The following CACNA2D3 variants were observed in gnomAD, a reference collection of about 807,000 sequenced individuals.
CACNA2D3 encodes the protein calcium voltage-gated channel auxiliary subunit alpha2delta 3, also known as voltage-dependent calcium channel subunit alpha-2/delta-3.
In CACNA2D3, 60 loss-of-function variants were observed where a neutral mutation model predicts 160.6. The observed-to-expected ratio is 0.37, with a 90% CI of 0.30 to 0.46. CACNA2D3 has a LOEUF of 0.46. CACNA2D3 is among the 20% of genes least tolerant of loss of function. CACNA2D3 has a pLI of 1.00. For missense variants in CACNA2D3, 1,205 were observed against 1,365.0 expected (o/e 0.88, Z 1.85); for synonymous variants, 558 against 492.9 (o/e 1.13, Z -1.75).
intron 27 of CACNA2D3, among the ~76,000 whole-genome samples, chr3:54,921,668 C>G (rs1472391020): frequency 6.6e-6 from 1 of 152,068 alleles, no homozygotes; most frequent in African/African-American, 2.4e-5. Context: ...TGTAATCCGC[C>G]ATGCATTTTG....
intron 2 of CACNA2D3, among the ~76,000 whole-genome samples, chr3:54,242,273 C>CAAAAA (rs60089020): frequency 0.031 from 4,703 of 151,422 alleles, 245 homozygotes; most frequent in African/African-American, 0.11. Flanking sequence ...ATACAAAAAA[C>CAAAAA]AAAAACAAAC....
intron 5 of CACNA2D3, among the ~76,000 whole-genome samples, chr3:54,537,847 G>C (rs1196759778): frequency 6.6e-6 from 1 of 152,146 alleles, no homozygotes; most frequent in Non-Finnish European, 1.5e-5. Flanking sequence ...ATGTCTGTGG[G>C]AGAGCTACAC....
At chr3:54,892,838 T>G (rs1700099284) in intron 25 of CACNA2D3, among the ~76,000 whole-genome samples, 1 of 152,152 alleles carries the variant, frequency 6.6e-6, no homozygotes, top group Admixed American at 6.5e-5. Flanking sequence ...CTGATAACTG[T>G]GTTATTGTGA....
intron 14 of CACNA2D3, among the ~76,000 whole-genome samples, chr3:54,823,974 T>C (rs1489223952): frequency 6.6e-6 from 1 of 152,192 alleles, no homozygotes; most frequent in Non-Finnish European, 1.5e-5. Context: ...CTAAATGAAA[T>C]AGACTACCAA....
At chr3:54,386,806 T>C (rs1436878041) in intron 4 of CACNA2D3, 32 bp downstream of exon 4, 1 of 1,557,010 alleles carries the variant, frequency 6.4e-7, no homozygotes, top group Admixed American at 1.9e-5. Flanking sequence ...TAAATTGTTT[T>C]GTGTGTTTCC....
intron 2 of CACNA2D3, among the ~76,000 whole-genome samples, chr3:54,293,814 G>A (rs1703267101): frequency 6.6e-6 from 1 of 152,152 alleles, no homozygotes; most frequent in Non-Finnish European, 1.5e-5. Context: ...TGATTGCAAA[G>A]GGGCTCCTTG....
intron 6 of CACNA2D3, among the ~76,000 whole-genome samples, chr3:54,563,511 C>T (rs1702360614): frequency 6.6e-6 from 1 of 152,198 alleles, no homozygotes; most frequent in Non-Finnish European, 1.5e-5. Context: ...AGAGGCTGTC[C>T]ATCATGCCTT....
intron 2 of CACNA2D3, among the ~76,000 whole-genome samples, chr3:54,214,131 C>T (rs1701423387): frequency 6.6e-6 from 1 of 152,102 alleles, no homozygotes; most frequent in Non-Finnish European, 1.5e-5. Flanking sequence ...CCAGAGATGC[C>T]TCTGACAGGA....
intron 11 of CACNA2D3, among the ~76,000 whole-genome samples, chr3:54,645,151 A>G (rs1236724997): frequency 6.6e-6 from 1 of 152,224 alleles, no homozygotes; most frequent in African/African-American, 2.4e-5. Flanking sequence ...CAATCATGGC[A>G]GAAGGGGAAG....
Position 54,890,368 on chromosome 3 carries a change from C to T in CACNA2D3, c.2151-987C>T, listed in dbSNP as rs183490385. Among the ~76,000 whole-genome samples, 192 of 151,688 alleles carry T rather than the reference C, an allele frequency of 1.3e-3. 1 individual carries two copies. The highest frequency in any genetic ancestry group is 2.7e-3 in the South Asian group (13 of 4,766). Reference sequence around the variant, plus strand: ...AAAATAAGCCAGGCGTGGTGGTAGGCGCCTGTAGTCCCAGCTACTCGGGGG... The same window carrying T: ...AAAATAAGCCAGGCGTGGTGGTAGGTGCCTGTAGTCCCAGCTACTCGGGGG... On this transcript the variant is annotated intron_variant, in intron 24 of 37. Coordinates refer to ENST00000474759, the MANE Select transcript of CACNA2D3 (RefSeq NM_018398.3).
intron 9 of CACNA2D3, among the ~76,000 whole-genome samples, chr3:54,582,473 C>G (rs1702694171): frequency 6.6e-6 from 1 of 152,210 alleles, no homozygotes; most frequent in African/African-American, 2.4e-5. Flanking sequence ...AAGTAGACTT[C>G]TGTAAAATAA....
intron 5 of CACNA2D3, among the ~76,000 whole-genome samples, chr3:54,524,011 T>C (rs1701687399): frequency 6.6e-6 from 1 of 151,850 alleles, no homozygotes; most frequent in Non-Finnish European, 1.5e-5. Context: ...ATTTTCATTC[T>C]AGTCTTTATT....
At chr3:54,946,402 A>G (rs1395006409) in intron 27 of CACNA2D3, among the ~76,000 whole-genome samples, 1 of 152,136 alleles carries the variant, frequency 6.6e-6, no homozygotes, top group African/African-American at 2.4e-5. Flanking sequence ...GAGCTGTCAC[A>G]TCCTTCACTG....
At chr3:54,467,074 G>T (rs1700641346) in intron 4 of CACNA2D3, among the ~76,000 whole-genome samples, 1 of 152,190 alleles carries the variant, frequency 6.6e-6, no homozygotes, top group East Asian at 1.9e-4. Context: ...TGAGTGAGAA[G>T]ACCAGGGTGG....
intron 4 of CACNA2D3, among the ~76,000 whole-genome samples, chr3:54,494,682 A>T (rs1442917483): frequency 6.6e-6 from 1 of 152,194 alleles, no homozygotes; most frequent in African/African-American, 2.4e-5. Flanking sequence ...CTGTTTTCAC[A>T]CTGCTATAAA....
At chr3:54,254,357 G>A (rs1390434053) in intron 2 of CACNA2D3, among the ~76,000 whole-genome samples, 2 of 152,150 alleles carry the variant, frequency 1.3e-5, no homozygotes, top group Non-Finnish European at 2.9e-5. Flanking sequence ...CAAGGGGGCT[G>A]GCCTAGGGAC....
intron 4 of CACNA2D3, among the ~76,000 whole-genome samples, chr3:54,416,509 TATC>T (rs1231786600): frequency 9.8e-5 from 15 of 152,328 alleles, no homozygotes; most frequent in African/African-American, 3.4e-4. Context: ...GGTGATTGGT[TATC>T]ATCAGAGTTG....
intron 2 of CACNA2D3, among the ~76,000 whole-genome samples, chr3:54,133,910 C>T (rs1386493636): frequency 6.6e-6 from 1 of 152,136 alleles, no homozygotes; most frequent in African/African-American, 2.4e-5. Context: ...CGTTCAGGGC[C>T]TCAAGTTCCT....
intron 35 of CACNA2D3, among the ~76,000 whole-genome samples, chr3:55,058,181 G>C (rs927257936): frequency 6.6e-6 from 1 of 152,178 alleles, no homozygotes; most frequent in African/African-American, 2.4e-5. Flanking sequence ...GAATTATTTG[G>C]AGCATTGATT....
Sources: gnomAD v4.1 joint callset for allele counts (sites outside exome capture counted in the v4.1 genomes callset) on GRCh38, gnomAD v4.1.1 for gene constraint, MANE v1.5 for transcripts, NCBI Gene and HGNC (gene_info 2026-07-23, HGNC 2026-07-21) for gene names.